PTPRR: variants seen among roughly 807,000 people sequenced by gnomAD.
PTPRR encodes the protein protein tyrosine phosphatase receptor type R.
A neutral mutation model predicts 77.2 loss-of-function variants in PTPRR; 38 were observed. The observed-to-expected ratio is 0.49, with a 90% CI of 0.38 to 0.65. The LOEUF (loss-of-function observed/expected upper bound fraction) is 0.65. Among genes scored for constraint, PTPRR ranks in the 30% least tolerant of loss-of-function variants. PTPRR has a pLI of 0.00. For synonymous variants in PTPRR, 299 were observed against 283.1 expected, an observed-to-expected ratio of 1.06 and a Z score of -0.57; for missense variants, 744 against 799.2, an observed-to-expected ratio of 0.93 and a Z score of 0.83.
intron 2 of PTPRR, among the ~76,000 whole-genome samples, chr12:70,859,245 G>GT (rs1892707451): frequency 6.6e-6 from 1 of 152,076 alleles, no homozygotes; most frequent in Non-Finnish European, 1.5e-5. Context: ...AACTCTAGCT[G>GT]TGAGTTAGAA....
intron 13 of PTPRR, among the ~76,000 whole-genome samples, chr12:70,641,057 G>A (rs1186910662): frequency 6.6e-6 from 1 of 152,140 alleles, no homozygotes; most frequent in Non-Finnish European, 1.5e-5. Context: ...CTGAGAATGT[G>A]GTAATGGTTT....
chr12:70,639,562 T>A, intron 13 of PTPRR: 2 of 1,095,796 alleles, frequency 1.8e-6, no homozygotes, highest in Non-Finnish European at 2.3e-6. Flanking sequence ...AATGATCAAG[T>A]ACTTGGATTT....
chr12:70,849,767 C>T (rs73332128), intron 2 of PTPRR, among the ~76,000 whole-genome samples: 53 of 152,064 alleles, frequency 3.5e-4, no homozygotes, highest in Middle Eastern at 3.4e-3. Flanking sequence ...TTAATAAATG[C>T]CTTTTTAGTC....
intron 8 of PTPRR, among the ~76,000 whole-genome samples, chr12:70,687,800 A>G (rs1887924066): frequency 6.6e-6 from 1 of 152,202 alleles, no homozygotes; most frequent in South Asian, 2.1e-4. Context: ...CTCTTGAGAC[A>G]TGGGCTTTGA....
intron 2 of PTPRR, among the ~76,000 whole-genome samples, chr12:70,887,331 C>T (rs10219703): frequency 1.3e-5 from 2 of 151,844 alleles, no homozygotes; most frequent in East Asian, 1.9e-4. Context: ...CCGTGCCTAT[C>T]GTCCCAGCTA....
intron 6 of PTPRR, 137 bp downstream of exon 6, chr12:70,745,681 C>G: frequency 9.9e-7 from 1 of 1,013,856 alleles, no homozygotes; most frequent in Non-Finnish European, 1.4e-6. Context: ...ACAAGAAACA[C>G]TACTTCATCT....
intron 2 of PTPRR, among the ~76,000 whole-genome samples, chr12:70,800,022 CT>C (rs1173407881): frequency 6.6e-6 from 1 of 152,132 alleles, no homozygotes; most frequent in African/African-American, 2.4e-5. Context: ...TTCAGTCTAC[CT>C]ATTTACCTGG....
At chr12:70,735,132 G>T (rs1298815318) in intron 6 of PTPRR, among the ~76,000 whole-genome samples, 1 of 152,098 alleles carries the variant, frequency 6.6e-6, no homozygotes, top group African/African-American at 2.4e-5. Flanking sequence ...GATGCTCACT[G>T]TTCATGAAGG....
At chr12:70,670,953 G>T (rs1156930918) in intron 10 of PTPRR, among the ~76,000 whole-genome samples, 2 of 152,046 alleles carry the variant, frequency 1.3e-5, no homozygotes, top group Non-Finnish European at 2.9e-5. Flanking sequence ...TAAACATTGA[G>T]GTCATGAGAA....
At chr12:70,893,847 A>T (rs990734273) in intron 1 of PTPRR, among the ~76,000 whole-genome samples, 1 of 151,940 alleles carries the variant, frequency 6.6e-6, no homozygotes, top group Admixed American at 6.6e-5. Context: ...GAGAAAAACA[A>T]TATTCTATTG....
chr12:70,707,625 C>G (rs1190245939), intron 6 of PTPRR, among the ~76,000 whole-genome samples: 1 of 152,006 alleles, frequency 6.6e-6, no homozygotes, highest in Non-Finnish European at 1.5e-5. Context: ...TTGTGCATTT[C>G]CCTAATTACT....
chr12:70,878,271 G>C (rs1235237423), intron 2 of PTPRR, among the ~76,000 whole-genome samples: 1 of 152,170 alleles, frequency 6.6e-6, no homozygotes, highest in African/African-American at 2.4e-5. Context: ...AAACTAAAGA[G>C]CTTCTGCACA....
intron 2 of PTPRR, among the ~76,000 whole-genome samples, chr12:70,799,821 T>C (rs1891581870): frequency 6.6e-6 from 1 of 152,182 alleles, no homozygotes; most frequent in South Asian, 2.1e-4. Flanking sequence ...ACAAACACTT[T>C]GTCAGGTAGC....
intron 6 of PTPRR, among the ~76,000 whole-genome samples, chr12:70,711,594 A>G (rs1305475691): frequency 6.6e-6 from 1 of 152,136 alleles, no homozygotes; most frequent in South Asian, 2.1e-4. Flanking sequence ...AAACCTGCAC[A>G]TGTACCCCTG....
At chr12:70,731,019 AGAGAGAGAGGAAG>A (rs71068724) in intron 6 of PTPRR, among the ~76,000 whole-genome samples, 10,837 of 132,872 alleles carry the variant, frequency 0.082, 997 homozygotes, top group South Asian at 0.11. Flanking sequence ...TAGAGGAAGG[AGAGAGAGAGGAAG>A]GAGAGAGAGG....
chr12:70,899,361 A>G (rs1285947687), intron 1 of PTPRR, among the ~76,000 whole-genome samples: 1 of 151,398 alleles, frequency 6.6e-6, no homozygotes, highest in Non-Finnish European at 1.5e-5. Context: ...ACAGAAAAAG[A>G]CATATGCCAC....
intron 4 of PTPRR, among the ~76,000 whole-genome samples, chr12:70,759,559 T>C (rs1890639866): frequency 6.6e-6 from 1 of 151,372 alleles, no homozygotes; most frequent in Admixed American, 6.6e-5. Flanking sequence ...CAGGCGCCTG[T>C]AGTCCCAGCT....
intron 2 of PTPRR, 93 bp from the exon 3 acceptor site, chr12:70,764,871 C>T (rs1592742532): frequency 1.1e-6 from 1 of 934,114 alleles, no homozygotes; most frequent in Non-Finnish European, 1.7e-6. Context: ...AAGTTCACGA[C>T]ATTCAGTTCT....
chr12:70,911,392 C>T (rs551065510), intron 1 of PTPRR, among the ~76,000 whole-genome samples: 13 of 152,190 alleles, frequency 8.5e-5, no homozygotes, highest in Admixed American at 2.6e-4. Context: ...TTTGTGGGTC[C>T]CTAGAGGGAT....
Sources: allele counts gnomAD v4.1 joint callset (sites outside exome capture counted in the v4.1 genomes callset), GRCh38; gene constraint gnomAD v4.1.1; transcripts MANE v1.5; gene names NCBI Gene and HGNC (gene_info 2026-07-23, HGNC 2026-07-21).